Variants in GFOD1 observed in about 807,000 individuals in gnomAD.
GFOD1 encodes glucose-fructose oxidoreductase domain-containing protein 1.
In GFOD1, 9 loss-of-function variants were observed where a neutral mutation model predicts 25.4. That is an observed-to-expected ratio of 0.35 (90% CI 0.21 to 0.62). The LOEUF (loss-of-function observed/expected upper bound fraction) is 0.62, where lower values mean the gene tolerates loss of function less well. GFOD1 is among the 20% of genes least tolerant of loss of function. The pLI is 0.72. For missense variants in GFOD1, 403 were observed against 556.9 expected (o/e 0.72, Z 2.78); for synonymous variants, 253 against 245.6 (o/e 1.03, Z -0.28).
intron 1 of GFOD1, among the ~76,000 whole-genome samples, chr6:13,378,751 A>G (rs1442599204): frequency 6.6e-6 from 1 of 152,170 alleles, no homozygotes; most frequent in Non-Finnish European, 1.5e-5. Context: ...CCAGCAGGAA[A>G]GCCACTGCGG....
chr6:13,361,826 AAT>A lies in GFOD1; in HGVS notation c.*2915_*2916del, dbSNP rs1302626830. The A allele has an allele frequency of 6.6e-6, 1 of 152,196 alleles. No individual in the cohort carries two copies. Among genetic ancestry groups the A allele is most frequent in the Non-Finnish European group, 1.5e-5 (1 of 68,030 alleles). The allele number at this position is 152,196 out of a possible 1,614,324, so 9.4% of individuals were successfully genotyped here. ...ATATTTTTTCATGCCTCTTTTAAAG[AAT>A]ATATGTTCTTTCTAATACCCCAGCT... On this transcript the variant is annotated 3_prime_UTR_variant, in exon 2 of 2. Coordinates refer to ENST00000379287, the MANE Select transcript of GFOD1 (RefSeq NM_018988.4).
intron 1 of GFOD1, among the ~76,000 whole-genome samples, chr6:13,385,768 C>T (rs1473474526): frequency 6.6e-6 from 1 of 152,164 alleles, no homozygotes; most frequent in Non-Finnish European, 1.5e-5. Flanking sequence ...AAGCTACCTG[C>T]CTTCTTCAAG....
intron 1 of GFOD1, among the ~76,000 whole-genome samples, chr6:13,383,855 T>C (rs1188491280): frequency 2.0e-5 from 3 of 152,256 alleles, no homozygotes; most frequent in Admixed American, 1.3e-4. Flanking sequence ...AATTGCTGAA[T>C]GTTCAAGTAA....
chr6:13,379,313 C>T (rs140114412), intron 1 of GFOD1, among the ~76,000 whole-genome samples: 1 of 152,130 alleles, frequency 6.6e-6, no homozygotes, highest in African/African-American at 2.4e-5. Context: ...CAGCCTCCCC[C>T]CATAGAAGGC....
intron 1 of GFOD1, among the ~76,000 whole-genome samples, chr6:13,448,677 T>C (rs979148063): frequency 6.6e-6 from 1 of 152,218 alleles, no homozygotes; most frequent in Non-Finnish European, 1.5e-5. Flanking sequence ...ACTGCCTGCA[T>C]GTTGTTTGCA....
intron 1 of GFOD1, among the ~76,000 whole-genome samples, chr6:13,458,843 A>T (rs1463991438): frequency 6.7e-6 from 1 of 148,366 alleles, no homozygotes; most frequent in African/African-American, 2.4e-5. Flanking sequence ...GTGATGATGG[A>T]ATAGTGAGAA....
chr6:13,487,160 G>A lies in GFOD1; in HGVS notation c.-270C>T. Reference sequence around the variant, plus strand: ...GGAGTCGGCGGCAGGGACCCCCCCAGGGCGCCGGAGGCTTCGAAGCCCCCT... The same window carrying A: ...GGAGTCGGCGGCAGGGACCCCCCCAAGGCGCCGGAGGCTTCGAAGCCCCCT... On this transcript the variant is annotated 5_prime_UTR_variant, in exon 1 of 2. Coordinates refer to ENST00000379287, the MANE Select transcript of GFOD1 (RefSeq NM_018988.4). This position sits in a 1 kb window ranked among gnomAD's most constrained non-coding sequence, Gnocchi z 4.9. 1 of 417,128 alleles carries A rather than the reference G, an allele frequency of 2.4e-6. No individual in the cohort carries two copies. Among genetic ancestry groups the A allele is most frequent in the Middle Eastern group, 6.1e-4 (1 of 1,638 alleles). The allele number at this position is 417,128 out of a possible 1,614,324, so 25.8% of individuals were successfully genotyped here. A position where few individuals can be genotyped will look rare whatever the true frequency, so the allele number is the denominator to read the frequency against.
chr6:13,433,804 C>A (rs1014813542), intron 1 of GFOD1, among the ~76,000 whole-genome samples: 33 of 152,206 alleles, frequency 2.2e-4, no homozygotes. Flanking sequence ...ATGCCTACAA[C>A]TTCCTCTCTC....
At chr6:13,404,128 C>A (rs539488355) in intron 1 of GFOD1, among the ~76,000 whole-genome samples, 1 of 152,160 alleles carries the variant, frequency 6.6e-6, no homozygotes, top group Non-Finnish European at 1.5e-5. Flanking sequence ...TCTGTGATGT[C>A]TAAAATATTG....
intron 1 of GFOD1, among the ~76,000 whole-genome samples, chr6:13,445,863 T>C (rs1361056345): frequency 3.3e-5 from 5 of 152,230 alleles, no homozygotes; most frequent in African/African-American, 4.8e-5. Flanking sequence ...CAACCTCAGC[T>C]GTCCTACACC....
intron 1 of GFOD1, among the ~76,000 whole-genome samples, chr6:13,406,939 C>A (rs185194428): frequency 1.1e-4 from 17 of 152,290 alleles, no homozygotes; most frequent in African/African-American, 4.1e-4. Context: ...TCAGCTGGAC[C>A]CATGGTTGCC....
intron 1 of GFOD1, among the ~76,000 whole-genome samples, chr6:13,427,338 G>A (rs1255514568): frequency 6.6e-6 from 1 of 152,162 alleles, no homozygotes; most frequent in African/African-American, 2.4e-5. Flanking sequence ...ATAGAAAACT[G>A]TGAAGAGTTA....
chr6:13,432,555 G>A (rs893684949), intron 1 of GFOD1, among the ~76,000 whole-genome samples: 11 of 152,084 alleles, frequency 7.2e-5, no homozygotes, highest in African/African-American at 2.7e-4. Context: ...ACAGAAGAGG[G>A]AGACAGGGTG....
At chr6:13,433,293 G>C (rs1398769335) in intron 1 of GFOD1, among the ~76,000 whole-genome samples, 1 of 152,022 alleles carries the variant, frequency 6.6e-6, no homozygotes, top group Non-Finnish European at 1.5e-5. Context: ...CTAATTGTTT[G>C]TATTTAGTAG....
chr6:13,470,669 T>A, intron 1 of GFOD1: 1 of 1,440,088 alleles, frequency 6.9e-7, no homozygotes, highest in Non-Finnish European at 9.1e-7. Flanking sequence ...GAGGAACACA[T>A]CTCATTTTCT....
At chr6:13,417,246 C>T (rs750716265) in intron 1 of GFOD1, among the ~76,000 whole-genome samples, 17 of 152,154 alleles carry the variant, frequency 1.1e-4, no homozygotes, top group Non-Finnish European at 2.4e-4. Context: ...CTCCGCTTCC[C>T]GGGTTCACGC....
intron 1 of GFOD1, among the ~76,000 whole-genome samples, chr6:13,401,703 C>T (rs941067776): frequency 6.6e-6 from 1 of 152,040 alleles, no homozygotes. Context: ...TGACATCCTG[C>T]GTCCATGGAT....
At position 13,361,159 on chromosome 6, in the gene GFOD1, G is replaced by T; in HGVS notation, c.*3584C>A. 1 of 310,524 alleles carries T rather than the reference G, an allele frequency of 3.2e-6. No individual in the cohort carries two copies. 19.2% of individuals were successfully genotyped at this position (310,524 alleles called of 1,614,324 possible). ...GAGTCCAGATATAACTGGCACAGTG[G>T]TATTTGCTGCCATGTAGGCTAAGGG... On this transcript the variant is annotated 3_prime_UTR_variant, in exon 2 of 2. Transcript: ENST00000379287.
At chr6:13,471,485 G>A (rs184369676) in intron 1 of GFOD1, among the ~76,000 whole-genome samples, 2 of 152,132 alleles carry the variant, frequency 1.3e-5, no homozygotes, top group Non-Finnish European at 2.9e-5. Context: ...AGCAGGGAGG[G>A]GCACTGTCAT....
Sources: gnomAD v4.1 joint callset for allele counts (sites outside exome capture counted in the v4.1 genomes callset) on GRCh38, gnomAD v4.1.1 for gene constraint, Gnocchi (gnomAD v3.1) non-coding constraint, MANE v1.5 for transcripts, NCBI Gene and HGNC (gene_info 2026-07-23, HGNC 2026-07-21) for gene names.